The following RHOBTB2 variants were observed in gnomAD, a reference collection of about 807,000 sequenced individuals.
RHOBTB2 encodes the protein Rho related BTB domain containing 2.
RHOBTB2 carries 39 observed loss-of-function variants against 66.5 expected under a neutral mutation model. That is an observed-to-expected ratio of 0.59 (90% CI 0.45 to 0.77). The LOEUF (loss-of-function observed/expected upper bound fraction) is 0.77, where lower values mean the gene tolerates loss of function less well. Among genes scored for constraint, RHOBTB2 ranks in the 30% least tolerant of loss-of-function variants. The pLI, the probability that RHOBTB2 is intolerant of heterozygous loss-of-function variation, is 0.00. For synonymous variants in RHOBTB2, 390 were observed against 395.0 expected, an observed-to-expected ratio of 0.99 and a Z score of 0.15; for missense variants, 755 against 999.1, an observed-to-expected ratio of 0.76 and a Z score of 3.29.
chr8:22,997,494 T>A (rs190865021), upstream of RHOBTB2, among the ~76,000 whole-genome samples: 6 of 152,294 alleles, frequency 3.9e-5, no homozygotes, highest in East Asian at 1.2e-3. Context: ...GACACCCACA[T>A]TTTTGTCCAA....
At chr8:22,963,339 A>G in the RHOBTB2 span, among the ~76,000 whole-genome samples, 1 of 152,222 alleles carries the variant, frequency 6.6e-6, no homozygotes, top group African/African-American at 2.4e-5. Flanking sequence ...TGAACTAAGT[A>G]TCTGTTACAG....
chr8:22,987,411 A>T (rs1049437165), upstream of RHOBTB2: 1 of 152,500 alleles, frequency 6.6e-6, no homozygotes, highest in African/African-American at 2.4e-5. Context: ...TGGTCACAGG[A>T]ATCATGTCCT....
chr8:23,016,264 G>T (rs1454658690), intron 9 of RHOBTB2, among the ~76,000 whole-genome samples: 1 of 151,628 alleles, frequency 6.6e-6, no homozygotes, highest in Admixed American at 6.6e-5. Context: ...CCTCCCTGAA[G>T]GGTCTGCCAC....
the RHOBTB2 span, among the ~76,000 whole-genome samples, chr8:22,974,991 T>A: frequency 2.0e-5 from 3 of 152,026 alleles, no homozygotes; most frequent in East Asian, 5.8e-4. Flanking sequence ...CTTTCTATCA[T>A]CTCCCTGGAC....
the RHOBTB2 span, among the ~76,000 whole-genome samples, chr8:22,962,797 T>C: frequency 6.6e-6 from 1 of 152,300 alleles, no homozygotes; most frequent in Non-Finnish European, 1.5e-5. Flanking sequence ...ACCCAGATCA[T>C]TTAGTGCATC....
chr8:23,007,775 G>A (rs1443284042), intron 5 of RHOBTB2, 29 bp downstream of exon 5: 2 of 1,604,228 alleles, frequency 1.2e-6, no homozygotes, highest in African/African-American at 1.3e-5. Flanking sequence ...AAGCAAGGGG[G>A]TTCTGCATTG....
the RHOBTB2 span, among the ~76,000 whole-genome samples, chr8:22,969,010 G>A: frequency 6.6e-6 from 1 of 152,124 alleles, no homozygotes; most frequent in African/African-American, 2.4e-5. Flanking sequence ...GTATTCATTT[G>A]TTTTAACACT....
chr8:22,993,320 C>T (rs569515896), intron 2 of RHOBTB2, among the ~76,000 whole-genome samples: 3 of 152,234 alleles, frequency 2.0e-5, no homozygotes, highest in Non-Finnish European at 2.9e-5. Flanking sequence ...CCACTGCATC[C>T]GGTTCTACAT....
the RHOBTB2 span, among the ~76,000 whole-genome samples, chr8:22,962,213 AGGAAAGAAAGAG>A: frequency 1.7e-5 from 2 of 115,796 alleles, no homozygotes; most frequent in Non-Finnish European, 3.7e-5. Flanking sequence ...AAAAAAAAAA[AGGAAAGAAAGAG>A]AAAGTAACCC....
chr8:23,018,754 GT>G lies in RHOBTB2; in HGVS notation c.*1290del. On this transcript the variant is annotated 3_prime_UTR_variant, in exon 10 of 10. Transcript: ENST00000251822. ...CCCTCAGAGAGTGCTTATGGTGGGTGTTTTTGCGGGGCTGCAATAGGGGCCA... is the reference window on the plus strand; with the variant it reads ...CCCTCAGAGAGTGCTTATGGTGGGTGTTTTGCGGGGCTGCAATAGGGGCCA... 1 of 152,734 alleles carries G rather than the reference GT, an allele frequency of 6.5e-6. No homozygotes were observed. The highest frequency in any genetic ancestry group is 1.5e-5 in the Non-Finnish European group (1 of 68,308). The allele number at this position is 152,734 out of a possible 1,614,324, so 9.5% of individuals were successfully genotyped here.
chr8:23,013,501 T>C (rs1465407934), intron 7 of RHOBTB2, among the ~76,000 whole-genome samples: 2 of 152,012 alleles, frequency 1.3e-5, no homozygotes, highest in Non-Finnish European at 2.9e-5. Context: ...TTTTTACTTT[T>C]ATTTTTTATT....
chr8:23,007,550 G>C lies in RHOBTB2; in HGVS notation c.1305G>C (p.Thr435=), dbSNP rs902906908. 4 of 1,614,038 alleles carry C rather than the reference G, an allele frequency of 2.5e-6. No individual in the cohort carries two copies. The highest frequency in any genetic ancestry group is 1.7e-5 in the Admixed American group (1 of 59,998). The change falls in exon 5 of 10, where the codon ACG becomes ACC. Residue 435 remains threonine, a synonymous_variant. Coordinates refer to ENST00000251822, the MANE Select transcript of RHOBTB2 (RefSeq NM_015178.3). ...PFRAVLKYLY[T]GELDENERDL... The stretch of plus-strand genomic sequence containing the variant: ...GGGCTGTCCTCAAGTACCTGTACAC[G>C]GGGGAGCTAGATGAGAACGAGCGTG...
the RHOBTB2 span, among the ~76,000 whole-genome samples, chr8:22,981,845 C>A: frequency 6.6e-6 from 1 of 152,188 alleles, no homozygotes; most frequent in African/African-American, 2.4e-5. Context: ...TGGCCCTGAG[C>A]CCAGTCAGCT....
the RHOBTB2 span, among the ~76,000 whole-genome samples, chr8:22,966,548 G>T: frequency 2.0e-5 from 3 of 151,958 alleles, no homozygotes; most frequent in African/African-American, 7.3e-5. Flanking sequence ...ACTTTGGGAA[G>T]CCAGGGTCGG....
At chr8:23,008,236 A>G in intron 6 of RHOBTB2, 125 bp downstream of exon 6, 1 of 691,610 alleles carries the variant, frequency 1.4e-6, no homozygotes, top group Non-Finnish European at 2.5e-6. Flanking sequence ...GATGGGCCCA[A>G]GAGAGGTTTA....
the RHOBTB2 span, among the ~76,000 whole-genome samples, chr8:22,974,786 C>CAGGTACTGTGCTCAGGT: frequency 3.9e-5 from 6 of 152,088 alleles, no homozygotes; most frequent in Non-Finnish European, 7.4e-5. Context: ...CTGCATGGCC[C>CAGGTACTGTGCTCAGGT]AGGTACTGTG....
At chr8:22,990,081 G>T (rs1040175205) in intron 1 of RHOBTB2, among the ~76,000 whole-genome samples, 4 of 152,160 alleles carry the variant, frequency 2.6e-5, no homozygotes, top group Non-Finnish European at 5.9e-5. Flanking sequence ...AGTATTATTA[G>T]ACTTAAGCTC....
chr8:22,951,595 G>A, the RHOBTB2 span, among the ~76,000 whole-genome samples: 1 of 152,144 alleles, frequency 6.6e-6, no homozygotes, highest in Non-Finnish European at 1.5e-5. Context: ...CGTTTTCAAG[G>A]GTGGGGAGAA....
the RHOBTB2 span, among the ~76,000 whole-genome samples, chr8:22,965,933 A>G: frequency 6.6e-6 from 1 of 152,214 alleles, no homozygotes; most frequent in African/African-American, 2.4e-5. Context: ...ACTCCATGAA[A>G]ATTAGAAACT....
Sources: allele counts gnomAD v4.1 joint callset (sites outside exome capture counted in the v4.1 genomes callset), GRCh38; gene constraint gnomAD v4.1.1; transcripts MANE v1.5; gene names NCBI Gene and HGNC (gene_info 2026-07-23, HGNC 2026-07-21).